The following DST variants were observed in gnomAD, a reference collection of about 807,000 sequenced individuals.
The protein encoded by DST is dystonin, also known as bullous pemphigoid antigen.
Under a neutral mutation model 875.2 loss-of-function variants are expected in DST, and 253 were observed. The observed-to-expected ratio is 0.29, with a 90% CI of 0.26 to 0.32. The LOEUF (loss-of-function observed/expected upper bound fraction) is 0.32. Ranked by LOEUF, DST falls within the 10% of genes least tolerant of loss-of-function variation. The pLI, the probability that DST is intolerant of heterozygous loss-of-function variation, is 1.00. For synonymous variants in DST, 3,124 were observed against 3,197.1 expected (o/e 0.98, Z 0.77); for missense variants, 8,287 against 9,111.6 (o/e 0.91, Z 3.68).
intron 10 of DST, among the ~76,000 whole-genome samples, chr6:56,657,539 C>A (rs2099015558): frequency 6.6e-6 from 1 of 151,252 alleles, no homozygotes; most frequent in Non-Finnish European, 1.5e-5. Context: ...AAAGGAAAGA[C>A]AAGACAGAAA....
chr6:56,759,987 T>G (rs991807620), intron 4 of DST, among the ~76,000 whole-genome samples: 7 of 152,314 alleles, frequency 4.6e-5, no homozygotes, highest in Admixed American at 6.5e-5. Flanking sequence ...TTTTTTAAAT[T>G]AACAAATAAT....
intron 27 of DST, 50 bp downstream of exon 27, chr6:56,634,082 G>C: frequency 6.2e-7 from 1 of 1,606,482 alleles, no homozygotes; most frequent in East Asian, 2.2e-5. Flanking sequence ...CATATGAAAA[G>C]GCATGCACAT....
At position 56,936,217 on chromosome 6, in the gene DST, G is replaced by A. The variant is rs191534638; in HGVS notation, c.216+17568C>T. ...AGGACAGACTAGTTAAAGTCAGTTC[G>A]TGTTCCCATTTACAATAAAGTAGAA... On this transcript the variant is annotated intron_variant, in intron 2 of 103. Transcript: ENST00000680361. 4.6e-5 allele frequency among the ~76,000 whole-genome samples: 7 copies of A among 152,288 alleles called. No homozygotes were observed. In the East Asian group the frequency reaches 5.8e-4, roughly 13 times the overall value.
chr6:56,519,351 GA>G (rs1188476113), intron 69 of DST, among the ~76,000 whole-genome samples: 1 of 152,036 alleles, frequency 6.6e-6, no homozygotes, highest in African/African-American at 2.4e-5. Flanking sequence ...GCCAAGAAAG[GA>G]CAAATGGGGG....
chr6:56,916,776 T>TCACACACA (rs1179291069), intron 2 of DST, among the ~76,000 whole-genome samples: 41 of 71,968 alleles, frequency 5.7e-4, no homozygotes, highest in East Asian at 9.6e-4. Context: ...TCTCTCTCTC[T>TCACACACA]CTCACACACA....
intron 4 of DST, among the ~76,000 whole-genome samples, chr6:56,801,135 C>A (rs1349791439): frequency 2.8e-5 from 3 of 106,398 alleles, no homozygotes; most frequent in Admixed American, 8.3e-5. Flanking sequence ...GAATTTTTAA[C>A]CTTTGCCACA....
chr6:56,653,577 C>T (rs893594189), intron 10 of DST, among the ~76,000 whole-genome samples: 12 of 151,848 alleles, frequency 7.9e-5, no homozygotes, highest in African/African-American at 2.9e-4. Flanking sequence ...CCCAGCTACT[C>T]GGGAGGCTGA....
intron 90 of DST, among the ~76,000 whole-genome samples, chr6:56,481,416 G>T (rs967592498): frequency 6.6e-6 from 1 of 152,136 alleles, no homozygotes; most frequent in Non-Finnish European, 1.5e-5. Context: ...ATGCATTGCC[G>T]CAGGAAAGAT....
intron 33 of DST, 33 bp downstream of exon 33, chr6:56,627,966 A>T (rs368346137): frequency 1.2e-6 from 2 of 1,605,804 alleles, no homozygotes; most frequent in Non-Finnish European, 1.7e-6. Context: ...AAATGCAGAC[A>T]TAACCTCAGT....
intron 3 of DST, among the ~76,000 whole-genome samples, chr6:56,884,128 C>G (rs1446923330): frequency 6.7e-6 from 1 of 149,144 alleles, no homozygotes; most frequent in Non-Finnish European, 1.5e-5. Flanking sequence ...GAGAACTTAT[C>G]TCAAAAAAAA....
intron 3 of DST, among the ~76,000 whole-genome samples, chr6:56,859,314 CAAATA>C (rs1169915846): frequency 1.1e-4 from 16 of 151,956 alleles, no homozygotes; most frequent in Non-Finnish European, 2.4e-4. Flanking sequence ...AAACAGATTA[CAAATA>C]AAATAAGAAC....
intron 69 of DST, among the ~76,000 whole-genome samples, chr6:56,521,797 GGAAC>G (rs1162622897): frequency 2.0e-5 from 3 of 151,844 alleles, no homozygotes; most frequent in Non-Finnish European, 2.9e-5. Flanking sequence ...CATTTCTAAT[GGAAC>G]ATAAACATGG....
At chr6:56,850,400 T>A (rs1591661926) in intron 4 of DST, among the ~76,000 whole-genome samples, 2 of 117,394 alleles carry the variant, frequency 1.7e-5, no homozygotes, top group Non-Finnish European at 1.7e-5. Context: ...TGCAATACAG[T>A]ATAGGAGGCA....
intron 2 of DST, among the ~76,000 whole-genome samples, chr6:56,912,665 G>C (rs1799270891): frequency 6.6e-6 from 1 of 152,214 alleles, no homozygotes; most frequent in Admixed American, 6.5e-5. Flanking sequence ...GCAAGTGGGG[G>C]TGGTGCTCTG....
At chr6:56,814,153 T>C (rs1387006480) in intron 4 of DST, among the ~76,000 whole-genome samples, 4 of 152,172 alleles carry the variant, frequency 2.6e-5, no homozygotes, top group Admixed American at 6.5e-5. Context: ...TTATTATTTA[T>C]TATATAAACA....
At chr6:56,921,134 G>A (rs1233489831) in intron 2 of DST, among the ~76,000 whole-genome samples, 2 of 151,696 alleles carry the variant, frequency 1.3e-5, no homozygotes, top group African/African-American at 4.8e-5. Flanking sequence ...TTAAATTTCT[G>A]GAACAGAAAG....
At chr6:56,782,304 G>A (rs1325458682) in intron 4 of DST, among the ~76,000 whole-genome samples, 9 of 152,186 alleles carry the variant, frequency 5.9e-5, no homozygotes, top group Non-Finnish European at 1.3e-4. Flanking sequence ...AATGGTACCA[G>A]CTCCTCCTTG....
Position 56,876,426 on chromosome 6 carries a change from T to C in DST, c.417+23995A>G, listed in dbSNP as rs9349839. On this transcript the variant is annotated intron_variant, in intron 3 of 103. Coordinates refer to ENST00000680361, the MANE Select transcript of DST (RefSeq NM_001374736.1). ...CTCACTGTAATCCAAAAATGTGACC[T>C]CCAATTTTTGGCTCTCCAGCTCTCT... Among the ~76,000 whole-genome samples the C allele has an allele frequency of 4.9e-4, 74 of 152,264 alleles. No individual in the cohort carries two copies. In the East Asian group the frequency reaches 8.5e-3, roughly 18 times the overall value.
At chr6:56,656,071 T>C (rs2099006783) in intron 10 of DST, among the ~76,000 whole-genome samples, 1 of 152,242 alleles carries the variant, frequency 6.6e-6, no homozygotes, top group Non-Finnish European at 1.5e-5. Context: ...TGGAGATATG[T>C]TCCATCCTAG....
Sources: gnomAD v4.1 joint callset for allele counts (sites outside exome capture counted in the v4.1 genomes callset) on GRCh38, gnomAD v4.1.1 for gene constraint, MANE v1.5 for transcripts, NCBI Gene and HGNC (gene_info 2026-07-23, HGNC 2026-07-21) for gene names.